Variants in PRKCE observed in about 807,000 individuals in gnomAD.
PRKCE encodes the protein protein kinase C epsilon, also known as protein kinase C epsilon type.
In PRKCE, 16 loss-of-function variants were observed where a neutral mutation model predicts 85.4. The ratio of observed to expected loss-of-function variants is 0.19; its 90% CI spans 0.13 to 0.28. The LOEUF is 0.28. Among genes scored for constraint, PRKCE ranks in the 10% least tolerant of loss-of-function variants. PRKCE has a pLI of 1.00. For synonymous variants in PRKCE, 388 were observed against 371.5 expected (o/e 1.04, Z -0.51); for missense variants, 573 against 975.2 (o/e 0.59, Z 5.49).
At chr2:45,991,794 C>T (rs945414497) in intron 6 of PRKCE, among the ~76,000 whole-genome samples, 1 of 152,184 alleles carries the variant, frequency 6.6e-6, no homozygotes, top group African/African-American at 2.4e-5. Flanking sequence ...TACTTGTTTG[C>T]TTTAAAGTCA....
At chr2:46,182,089 C>G (rs2104728903) in intron 14 of PRKCE, among the ~76,000 whole-genome samples, 1 of 152,292 alleles carries the variant, frequency 6.6e-6, no homozygotes, top group East Asian at 1.9e-4. Context: ...CCATTATCCC[C>G]TTCGGCTCCA....
At chr2:46,032,532 C>T (rs1054192490) in intron 10 of PRKCE, among the ~76,000 whole-genome samples, 5 of 152,176 alleles carry the variant, frequency 3.3e-5, no homozygotes, top group African/African-American at 9.7e-5. Flanking sequence ...CCCAGTTGTA[C>T]AGTTTGTTAA....
At chr2:45,979,202 C>T (rs1359885284) in intron 4 of PRKCE, among the ~76,000 whole-genome samples, 192 bp downstream of exon 4, 1 of 152,222 alleles carries the variant, frequency 6.6e-6, no homozygotes, top group Admixed American at 6.5e-5. Context: ...CAGGTGCCAC[C>T]TGTCTCCAGG....
At chr2:45,730,286 A>G (rs184244442) in intron 1 of PRKCE, among the ~76,000 whole-genome samples, 2 of 152,038 alleles carry the variant, frequency 1.3e-5, no homozygotes, top group East Asian at 1.9e-4. Context: ...CTGGGTAGCT[A>G]GGATTACAGG....
At chr2:45,947,951 G>A (rs985436412) in intron 2 of PRKCE, among the ~76,000 whole-genome samples, 42 of 152,204 alleles carry the variant, frequency 2.8e-4, no homozygotes, top group African/African-American at 9.7e-4. Context: ...CTACGTATAT[G>A]TGAAGTCCGC....
At chr2:45,868,968 A>G (rs563894973) in intron 2 of PRKCE, among the ~76,000 whole-genome samples, 1 of 151,366 alleles carries the variant, frequency 6.6e-6, no homozygotes, top group Non-Finnish European at 1.5e-5. Flanking sequence ...AAAAAAAAAA[A>G]AAAAAGAAAA....
At chr2:45,856,304 C>A (rs987059897) in intron 2 of PRKCE, among the ~76,000 whole-genome samples, 5 of 152,208 alleles carry the variant, frequency 3.3e-5, no homozygotes, top group African/African-American at 4.8e-5. Context: ...AGTCTCCGCT[C>A]ACTGCAGCCT....
chr2:45,811,016 A>G (rs1291146121), intron 1 of PRKCE, among the ~76,000 whole-genome samples: 2 of 152,338 alleles, frequency 1.3e-5, no homozygotes, highest in Non-Finnish European at 2.9e-5. Context: ...GCTTTCTCTT[A>G]CGGAAAGTTC....
At chr2:46,062,063 T>C (rs1245261082) in intron 10 of PRKCE, among the ~76,000 whole-genome samples, 1 of 152,122 alleles carries the variant, frequency 6.6e-6, no homozygotes, top group Non-Finnish European at 1.5e-5. Flanking sequence ...GGTTTCGCCA[T>C]GTTGGTCAGG....
chr2:45,800,064 T>A (rs1390903931), intron 1 of PRKCE, among the ~76,000 whole-genome samples: 1 of 152,160 alleles, frequency 6.6e-6, no homozygotes, highest in African/African-American at 2.4e-5. Flanking sequence ...GGAGAGATTT[T>A]CCCCCTAGTT....
chr2:46,150,127 G>A (rs1005316390), intron 12 of PRKCE, among the ~76,000 whole-genome samples: 1 of 152,160 alleles, frequency 6.6e-6, no homozygotes. Context: ...TAGGATTACA[G>A]GTGTGAGCCA....
chr2:45,894,666 G>A (rs1256360785), intron 2 of PRKCE, among the ~76,000 whole-genome samples: 1 of 152,102 alleles, frequency 6.6e-6, no homozygotes, highest in Non-Finnish European at 1.5e-5. Context: ...CACACACACA[G>A]TAGTTCCCTT....
rs1456741154 is a variant in PRKCE at position 45,713,729 on chromosome 2, T to G, written c.348+61281T>G. Among the ~76,000 whole-genome samples, 3 of 152,292 alleles carry G rather than the reference T, an allele frequency of 2.0e-5. No individual in the cohort carries two copies. In the East Asian group the frequency reaches 5.8e-4, roughly 29 times the overall value. Reference sequence around the variant, plus strand: ...ATGTGGTATTAGTTTCCACTCATGGTAAATGAGAAGTGAAGATAAAACACC... The same window carrying G: ...ATGTGGTATTAGTTTCCACTCATGGGAAATGAGAAGTGAAGATAAAACACC... On this transcript the variant is annotated intron_variant, in intron 1 of 14. Transcript: ENST00000306156.
chr2:45,672,446 C>G (rs1362816325), intron 1 of PRKCE, among the ~76,000 whole-genome samples: 2 of 152,198 alleles, frequency 1.3e-5, no homozygotes, highest in African/African-American at 4.8e-5. Flanking sequence ...ATCCATCCAT[C>G]CAGCCAGCCA....
At position 46,159,866 on chromosome 2, in the gene PRKCE, A is replaced by G; in HGVS notation, c.2067+114A>G. The G allele has an allele frequency of 7.2e-7, 1 of 1,390,078 alleles. No individual in the cohort carries two copies. Among genetic ancestry groups the G allele is most frequent in the Non-Finnish European group, 9.8e-7 (1 of 1,023,404 alleles). 86.1% of individuals were successfully genotyped at this position (1,390,078 alleles called of 1,614,324 possible). A position where few individuals can be genotyped will look rare whatever the true frequency, so the allele number is the denominator to read the frequency against. The stretch of plus-strand genomic sequence containing the variant: ...GGGGATGCGTATTACAGTAAAAATG[A>G]CAAAGACCAGAGGTGGCTGAGGCTC... On this transcript the variant is annotated intron_variant, in intron 14 of 14. Coordinates refer to ENST00000306156, the MANE Select transcript of PRKCE (RefSeq NM_005400.3). The surrounding 1 kb of genome is among the most constrained non-coding windows in gnomAD (Gnocchi z 4.1).
chr2:46,177,916 C>T (rs1354191718), intron 14 of PRKCE, among the ~76,000 whole-genome samples: 1 of 152,162 alleles, frequency 6.6e-6, no homozygotes, highest in African/African-American at 2.4e-5. Context: ...GTTCAGACCG[C>T]AGAGGCAGGA....
intron 2 of PRKCE, among the ~76,000 whole-genome samples, chr2:45,870,369 C>T (rs1021315923): frequency 2.0e-5 from 3 of 151,742 alleles, no homozygotes; most frequent in Non-Finnish European, 2.9e-5. Context: ...GCAGCACGCT[C>T]CAGTGTTTGT....
At chr2:45,843,305 G>A (rs185627810) in intron 2 of PRKCE, among the ~76,000 whole-genome samples, 107 of 152,356 alleles carry the variant, frequency 7.0e-4, no homozygotes, top group African/African-American at 2.4e-3. Context: ...TAAAACGGGC[G>A]TTTTTGCACG....
intron 10 of PRKCE, among the ~76,000 whole-genome samples, chr2:46,046,725 G>A (rs1021115133): frequency 9.9e-5 from 15 of 152,166 alleles, no homozygotes; most frequent in Non-Finnish European, 2.1e-4. Flanking sequence ...ACATGATAGC[G>A]CTGCCCTTAG....
Sources: allele counts gnomAD v4.1 joint callset (sites outside exome capture counted in the v4.1 genomes callset), GRCh38; gene constraint gnomAD v4.1.1; non-coding constraint Gnocchi (gnomAD v3.1); transcripts MANE v1.5; gene names NCBI Gene and HGNC (gene_info 2026-07-23, HGNC 2026-07-21).